The following SMYD3 variants were observed in gnomAD, a reference collection of about 807,000 sequenced individuals.
The protein encoded by SMYD3 is SET and MYND domain containing 3, also known as histone-lysine N-methyltransferase SMYD3.
SMYD3 carries 36 observed loss-of-function variants against 57.7 expected under a neutral mutation model. The observed-to-expected ratio is 0.62, with a 90% CI of 0.48 to 0.82. SMYD3 has a LOEUF of 0.82. Ranked by LOEUF, SMYD3 falls within the 40% of genes least tolerant of loss-of-function variation. The pLI, the probability that SMYD3 is intolerant of heterozygous loss-of-function variation, is 0.00. For missense variants in SMYD3, 515 were observed against 538.8 expected (o/e 0.96, Z 0.44); for synonymous variants, 211 against 195.0 (o/e 1.08, Z -0.68).
In SMYD3 at chr1:246,169,381, CAA is replaced by C. The variant is rs55719556; in HGVS notation, c.531+157818_531+157819del. On this transcript the variant is annotated intron_variant, in intron 5 of 11. Coordinates refer to ENST00000490107, the MANE Select transcript of SMYD3 (RefSeq NM_001167740.2). ...AGTTACAGGGCAAAAGACTTTCTTT[CAA>C]AAAAAAAAAAAAAAAAAAAAACCTC... is the stretch of plus-strand genomic sequence containing the variant. Among the ~76,000 whole-genome samples, 15 of 61,886 alleles carry C rather than the reference CAA, an allele frequency of 2.4e-4. No individual in the cohort carries two copies. The East Asian group carries it at 3.2e-3, about 13-fold the overall frequency. The allele number at this position is 61,886 out of a possible 152,430, so 40.6% of individuals were successfully genotyped here.
At chr1:245,995,580 T>C (rs1237630043) in intron 5 of SMYD3, among the ~76,000 whole-genome samples, 1 of 152,222 alleles carries the variant, frequency 6.6e-6, no homozygotes, top group Non-Finnish European at 1.5e-5. Context: ...CTCCCACAGA[T>C]CAGACTCTGC....
intron 1 of SMYD3, among the ~76,000 whole-genome samples, chr1:246,503,729 G>A (rs1372334161): frequency 6.6e-6 from 1 of 152,152 alleles, no homozygotes; most frequent in Non-Finnish European, 1.5e-5. Context: ...TAAGGAGGCT[G>A]AGGCGGGTAG....
At chr1:246,070,991 C>T (rs1572976171) in intron 5 of SMYD3, among the ~76,000 whole-genome samples, 1 of 152,118 alleles carries the variant, frequency 6.6e-6, no homozygotes, top group Non-Finnish European at 1.5e-5. Context: ...AGTAAGTAGG[C>T]TCCAAAACAA....
chr1:245,927,076 G>A (rs952775917), intron 7 of SMYD3, among the ~76,000 whole-genome samples: 36 of 152,204 alleles, frequency 2.4e-4, no homozygotes, highest in African/African-American at 7.2e-4. Context: ...GCTGAGTGCT[G>A]CATAAATGCA....
At chr1:245,777,562 T>C (rs577609362) in intron 10 of SMYD3, among the ~76,000 whole-genome samples, 1 of 152,096 alleles carries the variant, frequency 6.6e-6, no homozygotes, top group Non-Finnish European at 1.5e-5. Context: ...GGAAATTGCA[T>C]GTACACAAGG....
intron 5 of SMYD3, among the ~76,000 whole-genome samples, chr1:246,213,979 ACT>A (rs1392439527): frequency 2.0e-5 from 3 of 151,998 alleles, no homozygotes; most frequent in Non-Finnish European, 4.4e-5. Flanking sequence ...CTCTTTGGTG[ACT>A]CTCTCGTAAC....
chr1:246,419,268 A>C (rs1486733226), intron 1 of SMYD3, among the ~76,000 whole-genome samples: 1 of 152,200 alleles, frequency 6.6e-6, no homozygotes, highest in Non-Finnish European at 1.5e-5. Context: ...CTCTCTTTTC[A>C]GACTTAGCCC....
chr1:246,373,707 C>T (rs1371602637), intron 1 of SMYD3, among the ~76,000 whole-genome samples: 1 of 152,194 alleles, frequency 6.6e-6, no homozygotes, highest in Admixed American at 6.5e-5. Context: ...AAAGATGTCT[C>T]AACTTCATCT....
At chr1:245,821,254 C>G (rs1486208349) in intron 10 of SMYD3, among the ~76,000 whole-genome samples, 1 of 128,450 alleles carries the variant, frequency 7.8e-6, no homozygotes, top group East Asian at 2.6e-4. Context: ...ATATCTACAA[C>G]TATCTGATCT....
intron 5 of SMYD3, among the ~76,000 whole-genome samples, chr1:246,285,996 T>C (rs1398706335): frequency 1.3e-5 from 2 of 152,116 alleles, no homozygotes; most frequent in African/African-American, 4.8e-5. Context: ...AAAATAGAAG[T>C]TGGCATGGAT....
chr1:246,052,003 T>C (rs1395433511), intron 5 of SMYD3, among the ~76,000 whole-genome samples: 1 of 152,216 alleles, frequency 6.6e-6, no homozygotes, highest in Non-Finnish European at 1.5e-5. Context: ...TCATCATCTT[T>C]CTTACAAAAA....
At chr1:245,808,464 G>T (rs946513710) in intron 10 of SMYD3, among the ~76,000 whole-genome samples, 1 of 152,234 alleles carries the variant, frequency 6.6e-6, no homozygotes, top group East Asian at 1.9e-4. Context: ...GAATTCAAAA[G>T]GAAATAAGCG....
chr1:246,362,771 G>A (rs913256151), intron 1 of SMYD3, among the ~76,000 whole-genome samples: 1 of 152,216 alleles, frequency 6.6e-6, no homozygotes, highest in Non-Finnish European at 1.5e-5. Flanking sequence ...GTGGTCAATG[G>A]TGCCCAGGCT....
chr1:246,002,304 C>A (rs535400026), intron 5 of SMYD3, among the ~76,000 whole-genome samples: 1 of 99,900 alleles, frequency 1.0e-5, no homozygotes, highest in South Asian at 3.5e-4. Flanking sequence ...CCTGCCTCAG[C>A]CTCCCGAGTA....
chr1:246,421,866 A>C (rs1331936256), intron 1 of SMYD3, among the ~76,000 whole-genome samples: 1 of 152,210 alleles, frequency 6.6e-6, no homozygotes, highest in African/African-American at 2.4e-5. Context: ...AGAGCAGAAG[A>C]TGGATGTGCC....
chr1:246,342,440 G>A (rs1385996741), intron 2 of SMYD3, among the ~76,000 whole-genome samples: 1 of 152,136 alleles, frequency 6.6e-6, no homozygotes, highest in Non-Finnish European at 1.5e-5. Flanking sequence ...TTGAAATGTA[G>A]TCCAATATTG....
At chr1:246,201,827 A>C (rs1012719780) in intron 5 of SMYD3, among the ~76,000 whole-genome samples, 3 of 152,164 alleles carry the variant, frequency 2.0e-5, no homozygotes, top group Non-Finnish European at 2.9e-5. Context: ...AGCCTGGGCA[A>C]CTTGGAGAAA....
chr1:246,274,572 A>T (rs565296203), intron 5 of SMYD3, among the ~76,000 whole-genome samples: 12 of 152,338 alleles, frequency 7.9e-5, no homozygotes, highest in Admixed American at 2.0e-4. Context: ...ACTTTTAAAA[A>T]TTCTGTAACT....
At chr1:245,777,519 T>A (rs1176729902) in intron 10 of SMYD3, among the ~76,000 whole-genome samples, 2 of 152,138 alleles carry the variant, frequency 1.3e-5, no homozygotes, top group Non-Finnish European at 2.9e-5. Context: ...TTAGAAGGAA[T>A]GAGACCAACT....
Sources: gnomAD v4.1 joint callset for allele counts (sites outside exome capture counted in the v4.1 genomes callset) on GRCh38, gnomAD v4.1.1 for gene constraint, MANE v1.5 for transcripts, NCBI Gene and HGNC (gene_info 2026-07-23, HGNC 2026-07-21) for gene names.